SORCS2: variants seen among roughly 807,000 people sequenced by gnomAD.
The protein encoded by SORCS2 is VPS10 domain-containing receptor SorCS2.
Under a neutral mutation model 141.6 loss-of-function variants are expected in SORCS2, and 100 were observed. That is an observed-to-expected ratio of 0.71 (90% CI 0.60 to 0.83). The LOEUF is 0.83. Among genes scored for constraint, SORCS2 ranks in the 40% least tolerant of loss-of-function variants. The probability of loss-of-function intolerance (pLI) is 0.00; values close to 1 mark genes in which losing one functional copy is unlikely to be tolerated. For synonymous variants in SORCS2, 789 were observed against 676.9 expected, an observed-to-expected ratio of 1.17 and a Z score of -2.57; for missense variants, 1,646 against 1,560.2, an observed-to-expected ratio of 1.05 and a Z score of -0.93.
intron 2 of SORCS2, among the ~76,000 whole-genome samples, chr4:7,520,593 T>C (rs1044236669): frequency 5.3e-5 from 8 of 152,168 alleles, no homozygotes; most frequent in African/African-American, 1.9e-4. Flanking sequence ...TGAACCCACA[T>C]GTGGAAGGGC....
intron 3 of SORCS2, among the ~76,000 whole-genome samples, chr4:7,580,514 T>C (rs564704796): frequency 6.6e-6 from 1 of 152,254 alleles, no homozygotes; most frequent in South Asian, 2.1e-4. Context: ...GAAATTGTTT[T>C]GCATAGTGAT....
At chr4:7,268,674 G>A (rs1374545023) in intron 1 of SORCS2, among the ~76,000 whole-genome samples, 1 of 152,230 alleles carries the variant, frequency 6.6e-6, no homozygotes, top group African/African-American at 2.4e-5. Flanking sequence ...GTGAGTGAAG[G>A]GAGTGCCCAG....
intron 1 of SORCS2, among the ~76,000 whole-genome samples, chr4:7,288,065 C>A (rs1716347057): frequency 6.6e-6 from 1 of 152,150 alleles, no homozygotes; most frequent in Admixed American, 6.5e-5. Flanking sequence ...TGCCATGCGG[C>A]CTCCTCCGGT....
At chr4:7,365,321 G>T (rs189935547) in intron 1 of SORCS2, among the ~76,000 whole-genome samples, 1 of 152,070 alleles carries the variant, frequency 6.6e-6, no homozygotes, top group East Asian at 1.9e-4. Context: ...TCAGGAGGGC[G>T]CAAGGTTTGG....
At chr4:7,601,122 A>G (rs1464254834) in intron 3 of SORCS2, among the ~76,000 whole-genome samples, 1 of 152,140 alleles carries the variant, frequency 6.6e-6, no homozygotes, top group Admixed American at 6.5e-5. Flanking sequence ...CTAGTCTTTT[A>G]GTTTTATCCT....
chr4:7,199,385 G>A (rs927918236), intron 1 of SORCS2, among the ~76,000 whole-genome samples: 1 of 152,186 alleles, frequency 6.6e-6, no homozygotes, highest in Non-Finnish European at 1.5e-5. Context: ...GGCCACAGGT[G>A]GAGGAGGATG....
At chr4:7,455,422 G>C (rs1257652047) in intron 2 of SORCS2, among the ~76,000 whole-genome samples, 11 of 139,032 alleles carry the variant, frequency 7.9e-5, no homozygotes, top group Admixed American at 4.2e-4. Flanking sequence ...ACTGTGTTGG[G>C]GTCAGTGCTG....
At chr4:7,454,647 GCA>G (rs1334151420) in intron 2 of SORCS2, among the ~76,000 whole-genome samples, 4 of 123,456 alleles carry the variant, frequency 3.2e-5, no homozygotes, top group African/African-American at 6.4e-5. Context: ...TTGGGGTCAG[GCA>G]CTGTGTTGGG....
chr4:7,360,785 A>C (rs1463117429), intron 1 of SORCS2, among the ~76,000 whole-genome samples: 1 of 151,196 alleles, frequency 6.6e-6, no homozygotes, highest in South Asian at 2.1e-4. Context: ...GGGTTTCACC[A>C]TGTTGCCAAG....
chr4:7,396,244 G>A, intron 1 of SORCS2, 44 bp from the exon 2 acceptor site: 1 of 1,593,466 alleles, frequency 6.3e-7, no homozygotes, highest in Non-Finnish European at 8.6e-7. Context: ...TGAGAACCTT[G>A]GCACCCACTG....
At chr4:7,358,581 G>A (rs1721399158) in intron 1 of SORCS2, among the ~76,000 whole-genome samples, 1 of 152,186 alleles carries the variant, frequency 6.6e-6, no homozygotes, top group Admixed American at 6.5e-5. Flanking sequence ...TTGAAGTATT[G>A]CGCCTTTGAC....
At chr4:7,391,417 A>C (rs1331681522) in intron 1 of SORCS2, among the ~76,000 whole-genome samples, 2 of 152,172 alleles carry the variant, frequency 1.3e-5, no homozygotes, top group Admixed American at 1.3e-4. Flanking sequence ...TCTCCAGGCA[A>C]GTTGGACGGC....
intron 1 of SORCS2, among the ~76,000 whole-genome samples, chr4:7,225,737 C>T (rs1469961349): frequency 1.3e-5 from 2 of 152,184 alleles, no homozygotes; most frequent in East Asian, 1.9e-4. Context: ...AGACATCTCT[C>T]TCTCTCCTCT....
chr4:7,215,003 C>T (rs1728243483), intron 1 of SORCS2, among the ~76,000 whole-genome samples: 1 of 152,126 alleles, frequency 6.6e-6, no homozygotes, highest in South Asian at 2.1e-4. Context: ...TCGGTGCGTC[C>T]TCTGCCTGGG....
Position 7,740,443 on chromosome 4 carries a change from C to G in SORCS2, c.*179C>G. ...AAGCCCGCCCAGGCCCACGGGGGGCCCACGGGACCCCCCGGGACTCCCCGG... is the reference window on the plus strand; with the variant it reads ...AAGCCCGCCCAGGCCCACGGGGGGCGCACGGGACCCCCCGGGACTCCCCGG... On this transcript the variant is annotated 3_prime_UTR_variant, in exon 27 of 27. Transcript: ENST00000507866. The G allele has an allele frequency of 1.6e-6, 1 of 610,636 alleles. No individual in the cohort carries two copies. Among genetic ancestry groups the G allele is most frequent in the Non-Finnish European group, 2.9e-6 (1 of 344,200 alleles). 37.8% of individuals were successfully genotyped at this position (610,636 alleles called of 1,614,324 possible). A position where few individuals can be genotyped will look rare whatever the true frequency, so the allele number is the denominator to read the frequency against.
At chr4:7,219,227 G>C (rs1305551480) in intron 1 of SORCS2, among the ~76,000 whole-genome samples, 1 of 151,684 alleles carries the variant, frequency 6.6e-6, no homozygotes, top group African/African-American at 2.4e-5. Context: ...TCTGAAGGCA[G>C]AGACAATGTC....
Position 7,676,309 on chromosome 4 carries a change from C to A in SORCS2, c.1341+80C>A, listed in dbSNP as rs3733599. ...CTCTCACCCCACCTCTTCCTCCCCC[C>A]TCCCCTCCCGCCTGTCTATATAGCT... is the stretch of plus-strand genomic sequence containing the variant. On this transcript the variant is annotated intron_variant, in intron 9 of 26. Coordinates refer to ENST00000507866, the MANE Select transcript of SORCS2 (RefSeq NM_020777.3). 2,096 of 1,424,672 alleles carry A rather than the reference C, an allele frequency of 1.5e-3. 27 individuals carry two copies. The African/African-American group carries it at 0.027, about 18-fold the overall frequency. The allele number at this position is 1,424,672 out of a possible 1,614,324, so 88.3% of individuals were successfully genotyped here.
At chr4:7,500,478 T>G (rs894837739) in intron 2 of SORCS2, among the ~76,000 whole-genome samples, 2 of 152,200 alleles carry the variant, frequency 1.3e-5, no homozygotes, top group African/African-American at 4.8e-5. Flanking sequence ...AGGCCTCATC[T>G]GCTTCTGGGT....
chr4:7,193,019 G>C lies in SORCS2; in HGVS notation c.373G>C (p.Gly125Arg). 1 of 1,493,190 alleles carries C rather than the reference G, an allele frequency of 6.7e-7. No individual in the cohort carries two copies. The highest frequency in any genetic ancestry group is 8.8e-7 in the Non-Finnish European group (1 of 1,129,978). The allele number at this position is 1,493,190 out of a possible 1,614,324, so 92.5% of individuals were successfully genotyped here. The change falls in exon 1 of 27, where the codon GGA becomes CGA. Residue 125 changes from glycine (G) to arginine (R), a missense_variant. Coordinates refer to ENST00000507866, the MANE Select transcript of SORCS2 (RefSeq NM_020777.3). This position sits in a 1 kb window ranked among gnomAD's most constrained non-coding sequence, Gnocchi z 4.8. The stretch of plus-strand genomic sequence containing the variant: ...CTGGGAGCGGGCGGCGCCGCTGGCC[G>C]GAGTGGCTTCGCGGGCGCAGGTCTC... ...RRWERAAPLA[G>R]VASRAQVSLI...
Sources: allele counts gnomAD v4.1 joint callset (sites outside exome capture counted in the v4.1 genomes callset), GRCh38; gene constraint gnomAD v4.1.1; non-coding constraint Gnocchi (gnomAD v3.1); transcripts MANE v1.5; gene names NCBI Gene and HGNC (gene_info 2026-07-23, HGNC 2026-07-21).